The following RAP1GAP2 variants were observed in gnomAD, a reference collection of about 807,000 sequenced individuals.
The protein encoded by RAP1GAP2 is rap1 GTPase-activating protein 2.
In RAP1GAP2, 27 loss-of-function variants were observed where a neutral mutation model predicts 95.0. The observed-to-expected ratio is 0.28, with a 90% CI of 0.21 to 0.39. The LOEUF (loss-of-function observed/expected upper bound fraction) is 0.39. Ranked by LOEUF, RAP1GAP2 falls within the 10% of genes least tolerant of loss-of-function variation. The pLI is 1.00. For missense variants in RAP1GAP2, 771 were observed against 970.0 expected (o/e 0.79, Z 2.72); for synonymous variants, 373 against 380.9 (o/e 0.98, Z 0.24).
rs867260693 is a variant in RAP1GAP2, at chr17:2,891,822, T to C, written c.81-13462T>C. ...AGATTCATATTTCTTTTCTTTTTTT[T>C]TTTTTTTTTTTTTTTTTTGAGACAG... On this transcript the variant is annotated intron_variant, in intron 2 of 24. Transcript: ENST00000254695. Among the ~76,000 whole-genome samples, 27 of 111,602 alleles carry C rather than the reference T, an allele frequency of 2.4e-4. 1 individual carries two copies. Among genetic ancestry groups the C allele is most frequent in the South Asian group, 3.2e-4 (1 of 3,104 alleles). The allele number at this position is 111,602 out of a possible 152,430, so 73.2% of individuals were successfully genotyped here. A position where few individuals can be genotyped will look rare whatever the true frequency, so the allele number is the denominator to read the frequency against.
At chr17:2,854,736 G>A (rs548877004) in intron 2 of RAP1GAP2, among the ~76,000 whole-genome samples, 2 of 152,338 alleles carry the variant, frequency 1.3e-5, no homozygotes, top group African/African-American at 4.8e-5. Flanking sequence ...TTTGGAGTAG[G>A]CAAAGGAGGT....
At chr17:2,983,487 G>GTTA (rs2045448950) in intron 10 of RAP1GAP2, among the ~76,000 whole-genome samples, 1 of 152,200 alleles carries the variant, frequency 6.6e-6, no homozygotes, top group Admixed American at 6.5e-5. Flanking sequence ...TCTTTGTTTA[G>GTTA]TAATTTAATG....
chr17:2,791,052 A>G (rs369309208), intron 1 of RAP1GAP2, among the ~76,000 whole-genome samples: 61 of 152,328 alleles, frequency 4.0e-4, no homozygotes, highest in African/African-American at 1.2e-3. Context: ...TAAAAGTACA[A>G]AAATTAGCCA....
chr17:2,785,339 T>TGCCCTCCTGCC (rs2068747266), intron 1 of RAP1GAP2, among the ~76,000 whole-genome samples: 1 of 151,736 alleles, frequency 6.6e-6, no homozygotes, highest in Non-Finnish European at 1.5e-5. Context: ...CTCCTCCTGC[T>TGCCCTCCTGCC]GCCCTCCTGC....
intron 2 of RAP1GAP2, among the ~76,000 whole-genome samples, chr17:2,844,117 T>C (rs1209462917): frequency 6.6e-6 from 1 of 151,888 alleles, no homozygotes; most frequent in African/African-American, 2.4e-5. Context: ...GCCTCCTGGG[T>C]TCACGCCATT....
rs933159476 is a variant in RAP1GAP2 at position 2,798,890 on chromosome 17, C to T, written c.45-1625C>T. ...GGTGGTGCGGTGGGCGGGGCTGACC[C>T]GACAGCGGTCAGAGGTGCACGCACC... On this transcript the variant is annotated intron_variant, in intron 1 of 24. Transcript: ENST00000254695. 9.9e-5 allele frequency among the ~76,000 whole-genome samples: 15 copies of T among 152,106 alleles called. 1 individual carries two copies. The East Asian group carries it at 1.3e-3, about 14-fold the overall frequency.
intron 14 of RAP1GAP2, among the ~76,000 whole-genome samples, chr17:3,001,348 T>C (rs547305790): frequency 2.9e-5 from 3 of 102,840 alleles, no homozygotes; most frequent in East Asian, 5.6e-4. Context: ...AAGCAGGGAG[T>C]GCAGGTCCAA....
In RAP1GAP2 at chr17:2,963,470, C is replaced by T. The variant is rs764289207; in HGVS notation, c.279+8C>T. 3.7e-6 allele frequency: 6 copies of T among 1,613,720 alleles called. No individual in the cohort carries two copies. Among genetic ancestry groups the T allele is most frequent in the Admixed American group, 3.3e-5 (2 of 60,000 alleles). On this transcript the variant is annotated splice_region_variant and intron_variant, in intron 6 of 24. Coordinates refer to ENST00000254695, the MANE Select transcript of RAP1GAP2 (RefSeq NM_015085.5). This position sits in a 1 kb window ranked among gnomAD's most constrained non-coding sequence, Gnocchi z 4.8. ...TACCCCAGCATCGACGAGGTAGGTG[C>T]CCTCCCCTCACTCCCACCTGCCCTG...
chr17:2,898,139 G>T (rs182316408), intron 2 of RAP1GAP2, among the ~76,000 whole-genome samples: 2 of 151,932 alleles, frequency 1.3e-5, no homozygotes, highest in African/African-American at 4.8e-5. Flanking sequence ...TCTTGAACTC[G>T]TGGGCTCAAG....
intron 2 of RAP1GAP2, among the ~76,000 whole-genome samples, chr17:2,809,097 A>G (rs764722358): frequency 6.6e-6 from 1 of 152,184 alleles, no homozygotes; most frequent in Non-Finnish European, 1.5e-5. Flanking sequence ...GCAGACTCCA[A>G]GACCCATGTG....
intron 2 of RAP1GAP2, among the ~76,000 whole-genome samples, chr17:2,832,553 A>G (rs541027535): frequency 0.055 from 6,566 of 118,684 alleles, 219 homozygotes; most frequent in Non-Finnish European, 0.087. Context: ...GCGAGACTCC[A>G]TCTCAAAAAA....
rs374673019 is a variant in RAP1GAP2 at position 2,985,039 on chromosome 17, C to T, written c.786C>T (p.Phe262=). The change falls in exon 11 of 25, where the codon TTC becomes TTT. Residue 262 remains phenylalanine, a synonymous_variant. Coordinates refer to ENST00000254695, the MANE Select transcript of RAP1GAP2 (RefSeq NM_015085.5). ...ATGAAGTCAACAACACATTCAAATTCGGAGTCATTTATCAAAAAGCCAGGC... is the reference window on the plus strand; with the variant it reads ...ATGAAGTCAACAACACATTCAAATTTGGAGTCATTTATCAAAAAGCCAGGC... ...DEHEVNNTFK[F]GVIYQKARQT... is the part of the protein sequence containing the mutation. 3.0e-4 allele frequency: 478 copies of T among 1,613,694 alleles called. 6 individuals carry two copies. In the South Asian group the frequency reaches 4.6e-3, roughly 16 times the overall value.
intron 2 of RAP1GAP2, among the ~76,000 whole-genome samples, chr17:2,872,212 T>TAAAAAAA (rs2072874064): frequency 7.0e-5 from 1 of 14,332 alleles, no homozygotes; most frequent in Non-Finnish European, 1.7e-4. Context: ...AGCCTCTGTC[T>TAAAAAAA]CAAAAAAAAA....
At chr17:2,925,515 G>T (rs1224000960) in intron 3 of RAP1GAP2, among the ~76,000 whole-genome samples, 1 of 152,070 alleles carries the variant, frequency 6.6e-6, no homozygotes, top group East Asian at 1.9e-4. Flanking sequence ...GAACAGCGTG[G>T]GGAAAACCGC....
At chr17:2,837,976 A>T (rs2071212098) in intron 2 of RAP1GAP2, among the ~76,000 whole-genome samples, 1 of 143,164 alleles carries the variant, frequency 7.0e-6, no homozygotes, top group African/African-American at 2.6e-5. Flanking sequence ...CGGTTTACTC[A>T]TCTGGAAAGG....
chr17:2,850,910 A>G (rs1350207407), intron 2 of RAP1GAP2, among the ~76,000 whole-genome samples: 1 of 151,988 alleles, frequency 6.6e-6, no homozygotes, highest in South Asian at 2.1e-4. Flanking sequence ...AAAATACAAA[A>G]TTAGCCCGAT....
chr17:2,814,789 C>T (rs563004724), intron 2 of RAP1GAP2, among the ~76,000 whole-genome samples: 31 of 152,236 alleles, frequency 2.0e-4, no homozygotes, highest in African/African-American at 7.0e-4. Context: ...GGCGGAAATC[C>T]GTGCCTGGCA....
At chr17:2,835,409 T>TG (rs201881316) in intron 2 of RAP1GAP2, among the ~76,000 whole-genome samples, 7,076 of 150,608 alleles carry the variant, frequency 0.047, 246 homozygotes, top group Non-Finnish European at 0.075. Context: ...TTAGTAGAGA[T>TG]GGGGTTTCAC....
intron 18 of RAP1GAP2, among the ~76,000 whole-genome samples, chr17:3,018,670 G>T (rs1186709394): frequency 1.3e-5 from 2 of 152,172 alleles, no homozygotes; most frequent in African/African-American, 4.8e-5. Context: ...CATAGCAGCT[G>T]CCCGAGATGG....
Sources: allele counts gnomAD v4.1 joint callset (sites outside exome capture counted in the v4.1 genomes callset), GRCh38; gene constraint gnomAD v4.1.1; non-coding constraint Gnocchi (gnomAD v3.1); transcripts MANE v1.5; gene names NCBI Gene and HGNC (gene_info 2026-07-23, HGNC 2026-07-21).